Variants in AGMO observed in about 807,000 individuals in gnomAD.
AGMO encodes the protein glyceryl-ether monooxygenase.
Under a neutral mutation model 60.2 loss-of-function variants are expected in AGMO, and 75 were observed. The ratio of observed to expected loss-of-function variants is 1.25; its 90% CI spans 1.03 to 1.51. The LOEUF is 1.51. AGMO is among the 40% of genes most tolerant of loss of function. The pLI is 0.00. For missense variants in AGMO, 763 were observed against 525.5 expected, an observed-to-expected ratio of 1.45 and a Z score of -4.42; for synonymous variants, 261 against 177.1, an observed-to-expected ratio of 1.47 and a Z score of -3.76.
At chr7:15,370,135 A>T (rs10255442) in intron 10 of AGMO, among the ~76,000 whole-genome samples, 21 of 152,054 alleles carry the variant, frequency 1.4e-4, no homozygotes, top group African/African-American at 5.1e-4. Flanking sequence ...GCTTCCATTT[A>T]TAAGTAAGAA....
rs1466131362 is a variant in AGMO, at chr7:15,354,486, ATACACACGTG to A, written c.1263+11018_1263+11027del. Among the ~76,000 whole-genome samples the A allele has an allele frequency of 2.3e-3, 55 of 23,498 alleles. 1 individual carries two copies. Among genetic ancestry groups the A allele is most frequent in the Non-Finnish European group, 3.2e-3 (43 of 13,550 alleles). The allele number at this position is 23,498 out of a possible 152,430, so 15.4% of individuals were successfully genotyped here. A position where few individuals can be genotyped will look rare whatever the true frequency, so the allele number is the denominator to read the frequency against. Reference sequence around the variant, plus strand: ...CGTGTGTGTATACACACGTGTGTATATACACACGTGTATATATATATATATATATATATAT... The same window carrying A: ...CGTGTGTGTATACACACGTGTGTATATATATATATATATATATATATATAT... On this transcript the variant is annotated intron_variant, in intron 12 of 12. Transcript: ENST00000342526.
intron 12 of AGMO, among the ~76,000 whole-genome samples, chr7:15,327,300 T>A (rs1243831047): frequency 2.0e-5 from 3 of 152,148 alleles, no homozygotes; most frequent in Non-Finnish European, 2.9e-5. Flanking sequence ...TGGGGCTAGG[T>A]TTCCATGAAG....
chr7:15,347,659 A>G (rs958684469), intron 12 of AGMO, among the ~76,000 whole-genome samples: 1 of 152,058 alleles, frequency 6.6e-6, no homozygotes, highest in South Asian at 2.1e-4. Flanking sequence ...GAATTTTTCA[A>G]GAGAAACCAC....
intron 3 of AGMO, among the ~76,000 whole-genome samples, chr7:15,504,704 T>G (rs750728585): frequency 1.1e-4 from 16 of 151,628 alleles, no homozygotes; most frequent in Admixed American, 4.0e-4. Context: ...ACAACTACAT[T>G]CTTGGATACA....
intron 12 of AGMO, among the ~76,000 whole-genome samples, chr7:15,311,103 AT>A (rs1472500448): frequency 6.6e-6 from 1 of 152,130 alleles, no homozygotes; most frequent in East Asian, 1.9e-4. Flanking sequence ...ACATGGACAT[AT>A]TTGGGGGACC....
In AGMO at chr7:15,454,995, T is replaced by C. The variant is rs147043969; in HGVS notation, c.410-23887A>G. ...TCTTCCATTAGTATTTTTTAAGATA[T>C]TTTATATGTCAACTACTCACAACCT... On this transcript the variant is annotated intron_variant, in intron 3 of 12. Transcript: ENST00000342526. Among the ~76,000 whole-genome samples the C allele has an allele frequency of 5.6e-3, 853 of 152,030 alleles. 5 individuals carry two copies. The highest frequency in any genetic ancestry group is 0.014 in the Middle Eastern group (4 of 294).
chr7:15,236,992 A>G (rs998140735), intron 12 of AGMO, among the ~76,000 whole-genome samples: 1 of 152,116 alleles, frequency 6.6e-6, no homozygotes, highest in African/African-American at 2.4e-5. Context: ...AAACAAACAT[A>G]AAAAATGTAA....
intron 5 of AGMO, among the ~76,000 whole-genome samples, chr7:15,394,449 A>AC (rs1431114075): frequency 1.3e-5 from 2 of 152,156 alleles, no homozygotes; most frequent in Admixed American, 1.3e-4. Flanking sequence ...ATCTCCACTT[A>AC]CTACTGTGTG....
chr7:15,288,202 A>G (rs564563325), intron 12 of AGMO, among the ~76,000 whole-genome samples: 45 of 151,718 alleles, frequency 3.0e-4, no homozygotes, highest in African/African-American at 9.4e-4. Flanking sequence ...TTTTTTTATT[A>G]TTATTATTTT....
At chr7:15,493,362 C>CTTT (rs1382289490) in intron 3 of AGMO, among the ~76,000 whole-genome samples, 1 of 102,264 alleles carries the variant, frequency 9.8e-6, no homozygotes, top group African/African-American at 4.0e-5. Context: ...CACACACACA[C>CTTT]TTCTTTTTTT....
intron 12 of AGMO, among the ~76,000 whole-genome samples, chr7:15,274,043 G>A (rs965934110): frequency 1.3e-5 from 2 of 152,042 alleles, no homozygotes; most frequent in African/African-American, 4.8e-5. Context: ...GGGGTTTTCT[G>A]AATATACAAT....
the AGMO span, among the ~76,000 whole-genome samples, chr7:15,142,181 A>C: frequency 7.2e-5 from 11 of 152,286 alleles, no homozygotes; most frequent in South Asian, 2.1e-4. Context: ...ATATTATATA[A>C]ACTATATATA....
intron 5 of AGMO, among the ~76,000 whole-genome samples, chr7:15,402,642 A>G (rs1215735120): frequency 1.4e-5 from 2 of 147,720 alleles, no homozygotes; most frequent in African/African-American, 4.9e-5. Context: ...AAATATAAAT[A>G]TATATTAACC....
chr7:15,408,515 C>T (rs1252796919), intron 5 of AGMO, among the ~76,000 whole-genome samples: 1 of 151,794 alleles, frequency 6.6e-6, no homozygotes, highest in Admixed American at 6.6e-5. Context: ...GAGGACAACT[C>T]AACCAGTGTA....
At chr7:15,265,116 A>G (rs1338371573) in intron 12 of AGMO, among the ~76,000 whole-genome samples, 1 of 152,148 alleles carries the variant, frequency 6.6e-6, no homozygotes, top group Non-Finnish European at 1.5e-5. Context: ...AAAAGAATGA[A>G]ATCATGTCTT....
rs1583651065 is a variant in AGMO at position 15,529,652 on chromosome 7, T to G, written c.409+15120A>C. 4.6e-5 allele frequency among the ~76,000 whole-genome samples: 2 copies of G among 43,478 alleles called. 1 individual carries two copies. Among genetic ancestry groups the G allele is most frequent in the Non-Finnish European group, 8.5e-5 (2 of 23,534 alleles). The allele number at this position is 43,478 out of a possible 152,430, so 28.5% of individuals were successfully genotyped here. Reference sequence around the variant, plus strand: ...ATATAGAATATATATATATACTATATATTCTATATATATTCTATATATATT... The same window carrying G: ...ATATAGAATATATATATATACTATAGATTCTATATATATTCTATATATATT... On this transcript the variant is annotated intron_variant, in intron 3 of 12. Coordinates refer to ENST00000342526, the MANE Select transcript of AGMO (RefSeq NM_001004320.2).
intron 12 of AGMO, among the ~76,000 whole-genome samples, chr7:15,227,404 CA>C (rs1224278857): frequency 1.3e-5 from 2 of 151,386 alleles, no homozygotes; most frequent in East Asian, 3.9e-4. Flanking sequence ...AACTGTGCCC[CA>C]AAGAGTTAAA....
chr7:15,521,952 T>C (rs1341218515), intron 3 of AGMO, among the ~76,000 whole-genome samples: 1 of 152,134 alleles, frequency 6.6e-6, no homozygotes, highest in Admixed American at 6.5e-5. Context: ...GAAAACCCCA[T>C]CATCTCAGCC....
At chr7:15,179,540 A>G in the AGMO span, among the ~76,000 whole-genome samples, 1 of 152,190 alleles carries the variant, frequency 6.6e-6, no homozygotes, top group African/African-American at 2.4e-5. Flanking sequence ...GGGCAGGGGT[A>G]GAACTCCTGA....
Sources: gnomAD v4.1 joint callset for allele counts (sites outside exome capture counted in the v4.1 genomes callset) on GRCh38, gnomAD v4.1.1 for gene constraint, MANE v1.5 for transcripts, NCBI Gene and HGNC (gene_info 2026-07-23, HGNC 2026-07-21) for gene names.